Variants in MUC5B observed in about 807,000 individuals in gnomAD.
MUC5B encodes mucin-5B.
MUC5B carries 116 observed loss-of-function variants against 376.9 expected under a neutral mutation model. The ratio of observed to expected loss-of-function variants is 0.31; its 90% CI spans 0.26 to 0.36. The LOEUF is 0.36. Ranked by LOEUF, MUC5B falls within the 10% of genes least tolerant of loss-of-function variation. MUC5B has a pLI of 1.00. For synonymous variants in MUC5B, 3,517 were observed against 3,390.9 expected, an observed-to-expected ratio of 1.04 and a Z score of -1.29; for missense variants, 7,165 against 7,769.9, an observed-to-expected ratio of 0.92 and a Z score of 2.93.
Position 1,251,488 on chromosome 11 carries a change from A to C in MUC5B, c.14608A>C (p.Thr4870Pro). The change falls in exon 31 of 49, where the codon ACT (threonine) becomes CCT (proline). Residue 4870 changes from threonine (T) to proline (P), a missense_variant. This residue lies in a region of MUC5B where 730 missense variants were observed against 592.7 expected (regional missense o/e 1.23). Coordinates refer to ENST00000529681, the MANE Select transcript of MUC5B (RefSeq NM_002458.3). ...CGGTTCCACGGCCACCGCCTCCTCC[A>C]CTCTGGGAACAGCTCACACCCCCAA... is the stretch of plus-strand genomic sequence containing the variant. ...PTGSTATASS[T>P]LGTAHTPKVV... The C allele has an allele frequency of 6.2e-7, 1 of 1,612,412 alleles. No individual in the cohort carries two copies. The highest frequency in any genetic ancestry group is 8.5e-7 in the Non-Finnish European group (1 of 1,179,538).
At chr11:1,238,592 G>A (rs1444437332) in intron 25 of MUC5B, among the ~76,000 whole-genome samples, 1 of 152,182 alleles carries the variant, frequency 6.6e-6, no homozygotes, top group East Asian at 1.9e-4. Context: ...AGATGGGCAG[G>A]TGCATAGGTG....
rs1862005763 is a variant in MUC5B at position 1,230,614 on chromosome 11, T to G, written c.1470+14T>G. ...GGCGGGGACACGGTGAGGACCTGGC[T>G]GGGGCCCTGGGCTGGGACAGGAAGA... On this transcript the variant is annotated intron_variant, in intron 12 of 48. Transcript: ENST00000529681. The G allele has an allele frequency of 6.3e-7, 1 of 1,595,464 alleles. No individual in the cohort carries two copies. The highest frequency in any genetic ancestry group is 1.1e-5 in the South Asian group (1 of 89,584).
rs764856637 is a variant in MUC5B, at chr11:1,232,760, C to T, written c.2055C>T (p.Asp685=). The part of the protein sequence containing the change: ...AKGVQLSDWR[D]GVCTKYMQNC... The stretch of plus-strand genomic sequence containing the variant: ...GCGTACAGCTCAGCGACTGGAGGGA[C>T]GGCGTCTGCAGTGAGTGCCCACGCT... The change falls in exon 17 of 49, where the codon GAC becomes GAT. Residue 685 remains aspartate (D), a synonymous_variant. Transcript: ENST00000529681. The T allele has an allele frequency of 7.1e-5, 113 of 1,594,118 alleles. 3 individuals are homozygous for T. The South Asian group carries it at 1.1e-3, about 15-fold the overall frequency.
rs1322309050 is a variant in MUC5B, at chr11:1,242,347, T to C, written c.5467T>C (p.Trp1823Arg). Reference protein sequence around the residue: ...NIRAAGGKMCWAPKSIECRAE... With the variant: ...NIRAAGGKMCRAPKSIECRAE... Reference sequence around the variant, plus strand: ...CAGGGCTGCTGGGGGCAAGATGTGCTGGGCACCAAAGAGCATAGAGTGCCG... The same window carrying C: ...CAGGGCTGCTGGGGGCAAGATGTGCCGGGCACCAAAGAGCATAGAGTGCCG... The change falls in exon 31 of 49, where the codon TGG (tryptophan) becomes CGG (arginine). Residue 1823 changes from tryptophan to arginine, a missense_variant. Transcript: ENST00000529681. The C allele has an allele frequency of 6.2e-7, 1 of 1,613,866 alleles. No homozygotes were observed. Among genetic ancestry groups the C allele is most frequent in the Admixed American group, 1.7e-5 (1 of 60,014 alleles).
chr11:1,240,147 C>A, intron 29 of MUC5B, 31 bp from the exon 30 acceptor site: 1 of 1,577,620 alleles, frequency 6.3e-7, no homozygotes. Context: ...GGCTCGGAGG[C>A]CCTGGGTGAC....
Position 1,247,907 on chromosome 11 carries a change from C to G in MUC5B, c.11027C>G (p.Ala3676Gly), listed in dbSNP as rs1251354276. 2 of 1,611,668 alleles carry G rather than the reference C, an allele frequency of 1.2e-6. No homozygotes were observed. The highest frequency in any genetic ancestry group is 1.1e-5 in the South Asian group (1 of 91,036). Reference protein sequence around the residue: ...CNYGHCPSTPATSSTATPSST... With the variant: ...CNYGHCPSTPGTSSTATPSST... ...TACGGCCACTGCCCCAGCACCCCGG[C>G]CACCAGCTCTACGGCCACGCCCTCC... Residue 3676 changes from alanine (A) to glycine (G), a missense_variant, in exon 31 of 49, where the codon GCC (alanine) becomes GGC (glycine). By Grantham distance (60) the Ala-to-Gly change is moderately conservative. Transcript: ENST00000529681.
Position 1,241,183 on chromosome 11 carries a change from T to A in MUC5B, c.4303T>A (p.Ser1435Thr). 7 of 1,596,202 alleles carry A rather than the reference T, an allele frequency of 4.4e-6. No homozygotes were observed. Among genetic ancestry groups the A allele is most frequent in the Non-Finnish European group, 6.0e-6 (7 of 1,171,894 alleles). ...LCCEYVPCGP[S>T]PAPGTSPQPS... ...CTGCGAATACGTGCCCTGTGGCCCC[T>A]CCCCGGCCCCAGGCACCAGCCCTCA... is the stretch of plus-strand genomic sequence containing the variant. Residue 1435 changes from serine (S) to threonine (T), a missense_variant, in exon 31 of 49, where the codon TCC (serine) becomes ACC (threonine). Physicochemically the swap from Ser to Thr is moderately conservative, Grantham distance 58. This residue lies in a region of MUC5B where 517 missense variants were observed against 545.3 expected (regional missense o/e 0.95). Transcript: ENST00000529681.
Position 1,251,752 on chromosome 11 carries a change from A to G in MUC5B, c.14863+9A>G, listed in dbSNP as rs773578212. On this transcript the variant is annotated intron_variant, in intron 31 of 48. Transcript: ENST00000529681. ...ACAGTTTTTCTCGCCCGGTGAGTGC[A>G]TGTGGATAACACTGCTGTACCCTTT... 4 of 1,557,084 alleles carry G rather than the reference A, an allele frequency of 2.6e-6. No homozygotes were observed. Among genetic ancestry groups the G allele is most frequent in the East Asian group, 4.5e-5 (2 of 44,462 alleles).
In MUC5B at chr11:1,239,096, T is replaced by TCC. The variant is rs1454632587; in HGVS notation, c.3454+70_3454+71dup. 3.3e-6 allele frequency: 5 copies of TCC among 1,527,872 alleles called. No homozygotes were observed. The African/African-American group carries it at 4.1e-5, about 13-fold the overall frequency. The allele number at this position is 1,527,872 out of a possible 1,614,324, so 94.6% of individuals were successfully genotyped here. ...GGGCAGGGGAGGAGGTGTGGCAGCC[T>TCC]CCGAAGGTGCATTGACCTGGGCCTG... On this transcript the variant is annotated intron_variant, in intron 26 of 48. Transcript: ENST00000529681.
At chr11:1,226,452 G>T in intron 3 of MUC5B, 163 bp from the exon 4 acceptor site, 1 of 1,264,404 alleles carries the variant, frequency 7.9e-7, no homozygotes, top group South Asian at 1.3e-5. Context: ...ACGGGTCAGG[G>T]GTCTTGGAGC....
In MUC5B at chr11:1,242,682, C is replaced by T. The variant is rs769082708; in HGVS notation, c.5802C>T (p.Pro1934=). ...ATPTSTLRTA[P]PPKVLTTTAT... is the part of the protein sequence containing the mutation. ...CGACCTCCACCCTGAGAACAGCTCC[C>T]CCTCCCAAAGTGCTGACCACCACGG... The change falls in exon 31 of 49, where the codon CCC becomes CCT. Residue 1934 remains proline, a synonymous_variant. Transcript: ENST00000529681. 1 of 1,613,726 alleles carries T rather than the reference C, an allele frequency of 6.2e-7. No individual in the cohort carries two copies. Among genetic ancestry groups the T allele is most frequent in the Non-Finnish European group, 8.5e-7 (1 of 1,179,762 alleles).
Position 1,226,670 on chromosome 11 carries a change from C to G in MUC5B, c.255C>G (p.Tyr85Ter). 6.2e-7 allele frequency: 1 copy of G among 1,612,424 alleles called. No homozygotes were observed. The highest frequency in any genetic ancestry group is 8.5e-7 in the Non-Finnish European group (1 of 1,179,698). Residue 85 changes from tyrosine (Y) to a stop codon, truncating the protein, a stop_gained, in exon 4 of 49, where the codon TAC becomes TAG. Transcript: ENST00000529681. LOFTEE classifies it high-confidence loss of function. ...RVCSTWGDFH[Y>*]KTFDGDVFRF... Reference sequence around the variant, plus strand: ...GCAGCACCTGGGGTGACTTCCACTACAAGACCTTCGACGGCGACGTCTTCC... The same window carrying G: ...GCAGCACCTGGGGTGACTTCCACTAGAAGACCTTCGACGGCGACGTCTTCC...
Position 1,257,540 on chromosome 11 carries a change from G to T in MUC5B, c.16280G>T (p.Arg5427Leu). 6.2e-7 allele frequency: 1 copy of T among 1,608,390 alleles called. No homozygotes were observed. The highest frequency in any genetic ancestry group is 8.5e-7 in the Non-Finnish European group (1 of 1,179,544). ...PDGFPKFPGE[R>L]WVSNCQSCVC... ...CTTGATCCATTCCAGCCCGGGGAGC[G>T]GTGGGTCAGCAACTGCCAGTCCTGC... Residue 5427 changes from arginine to leucine, a missense_variant, in exon 41 of 49, where the codon CGG becomes CTG. Arg to Leu is a moderately radical substitution (Grantham distance 102). Transcript: ENST00000529681. This position sits in a 1 kb window ranked among gnomAD's most constrained non-coding sequence, Gnocchi z 8.9.
chr11:1,240,390 G>A lies in MUC5B; in HGVS notation c.3970+15G>A, dbSNP rs1294531424. The A allele has an allele frequency of 6.3e-7, 1 of 1,579,932 alleles. No individual in the cohort carries two copies. The highest frequency in any genetic ancestry group is 1.2e-5 in the South Asian group (1 of 85,956). ...CTCCACGACAAGTAAGCCCTGCCTG[G>A]CTCTCCTGAGGCCCAGTACCGTCTG... is the stretch of plus-strand genomic sequence containing the variant. On this transcript the variant is annotated intron_variant, in intron 30 of 48. Transcript: ENST00000529681.
chr11:1,256,983 T>C (rs1311627314), intron 39 of MUC5B, among the ~76,000 whole-genome samples: 2 of 152,130 alleles, frequency 1.3e-5, no homozygotes, highest in Non-Finnish European at 2.9e-5. Context: ...AGGGAGGCTC[T>C]GTCCTTGAGT....
Position 1,246,428 on chromosome 11 carries a change from C to T in MUC5B, c.9548C>T (p.Ala3183Val), listed in dbSNP as rs1162775254. The change falls in exon 31 of 49, where the codon GCC becomes GTC. Residue 3183 changes from alanine (A) to valine (V), a missense_variant. Ala to Val is a moderately conservative substitution (Grantham distance 64). This residue lies in a region of MUC5B where 939 missense variants were observed against 770.6 expected (regional missense o/e 1.22). Coordinates refer to ENST00000529681, the MANE Select transcript of MUC5B (RefSeq NM_002458.3). ...GTGCCCACCGGATCCACGGCCACCG[C>T]CTCCTCCACCCGGGCAACTGCTGGC... Reference protein sequence around the residue: ...VTVPTGSTATASSTRATAGTL... With the variant: ...VTVPTGSTATVSSTRATAGTL... 6.2e-6 allele frequency: 10 copies of T among 1,613,428 alleles called. No individual in the cohort carries two copies. The highest frequency in any genetic ancestry group is 7.6e-6 in the Non-Finnish European group (9 of 1,179,784).
intron 46 of MUC5B, 112 bp from the exon 47 acceptor site, chr11:1,260,239 C>T (rs1367675745): frequency 6.4e-5 from 86 of 1,352,892 alleles, no homozygotes; most frequent in East Asian, 3.6e-4. Context: ...TGGGAGGCCC[C>T]GCCCCTGCCC....
chr11:1,240,319 C>T lies in MUC5B; in HGVS notation c.3914C>T (p.Thr1305Ile). The change falls in exon 30 of 49, where the codon ACT (threonine) becomes ATT (isoleucine). Residue 1305 changes from threonine to isoleucine, a missense_variant. Coordinates refer to ENST00000529681, the MANE Select transcript of MUC5B (RefSeq NM_002458.3). ...IIRKAVACPG[T>I]PATTPFTFTT... is the part of the protein sequence containing the mutation. ...AGGAAGGCTGTGGCATGTCCTGGAA[C>T]TCCAGCCACAACGCCATTCACCTTC... is the stretch of plus-strand genomic sequence containing the variant. 1 of 1,612,524 alleles carries T rather than the reference C, an allele frequency of 6.2e-7. No individual in the cohort carries two copies. Among genetic ancestry groups the T allele is most frequent in the Non-Finnish European group, 8.5e-7 (1 of 1,178,838 alleles).
Position 1,243,850 on chromosome 11 carries a change from C to A in MUC5B, c.6970C>A (p.Leu2324Met). The change falls in exon 31 of 49, where the codon CTG becomes ATG. Residue 2324 changes from leucine to methionine, a missense_variant. Physicochemically the swap from Leu to Met is conservative, Grantham distance 15 (BLOSUM62 2). Transcript: ENST00000529681. ...GCCCCAGTGTGCCTGGTCAGAGTGG[C>A]TGGACTACAGCTACCCCATGCCGGG... ...CEPQCAWSEWLDYSYPMPGPS... is the reference protein window; with the variant it reads ...CEPQCAWSEWMDYSYPMPGPS... 1 of 1,611,300 alleles carries A rather than the reference C, an allele frequency of 6.2e-7. No individual in the cohort carries two copies. Among genetic ancestry groups the A allele is most frequent in the East Asian group, 2.2e-5 (1 of 44,846 alleles).
Sources: allele counts gnomAD v4.1 joint callset (sites outside exome capture counted in the v4.1 genomes callset), GRCh38; gene constraint gnomAD v4.1.1; regional missense constraint gnomAD v4.1.1; non-coding constraint Gnocchi (gnomAD v3.1); transcripts MANE v1.5; gene names NCBI Gene and HGNC (gene_info 2026-07-23, HGNC 2026-07-21).